The following ST18 variants were observed in gnomAD, a reference collection of about 807,000 sequenced individuals.
The protein encoded by ST18 is suppression of tumorigenicity 18 protein.
ST18 carries 50 observed loss-of-function variants against 110.0 expected under a neutral mutation model. The ratio of observed to expected loss-of-function variants is 0.45; its 90% CI spans 0.36 to 0.58. ST18 has a LOEUF of 0.58. Among genes scored for constraint, ST18 ranks in the 20% least tolerant of loss-of-function variants. The pLI is 0.00. For missense variants in ST18, 1,306 were observed against 1,280.1 expected, an observed-to-expected ratio of 1.02 and a Z score of -0.31; for synonymous variants, 461 against 452.4, an observed-to-expected ratio of 1.02 and a Z score of -0.24.
chr8:52,266,233 C>T lies in ST18; in HGVS notation c.-464-36156G>A, dbSNP rs542070670. ...AATGATCTGAGAGAAAGCCAGGATGCCTGGAAATTGAGGCTGGTCTGATGG... is the reference window on the plus strand; with the variant it reads ...AATGATCTGAGAGAAAGCCAGGATGTCTGGAAATTGAGGCTGGTCTGATGG... On this transcript the variant is annotated intron_variant, in intron 2 of 25. Transcript: ENST00000689386. Among the ~76,000 whole-genome samples, 91 of 152,222 alleles carry T rather than the reference C, an allele frequency of 6.0e-4. No homozygotes were observed. In the South Asian group the frequency reaches 0.018, roughly 31 times the overall value.
At position 52,216,152 on chromosome 8, in the gene ST18, A is replaced by C. The variant is rs566092302; in HGVS notation, c.-1+1594T>G. Among the ~76,000 whole-genome samples, 3 of 152,344 alleles carry C rather than the reference A, an allele frequency of 2.0e-5. No homozygotes were observed. The South Asian group carries it at 6.2e-4, about 32-fold the overall frequency. ...CCTGCAAAGAGTGCCAGTGGACACA[A>C]ATCAAAATTTCAGAAGCATACTTAA... On this transcript the variant is annotated intron_variant, in intron 6 of 25. Coordinates refer to ENST00000689386, the MANE Select transcript of ST18 (RefSeq NM_001352837.2).
intron 10 of ST18, chr8:52,171,530 TA>T: frequency 1.8e-6 from 1 of 554,908 alleles, no homozygotes; most frequent in Non-Finnish European, 3.4e-6. Flanking sequence ...GATGCATTTA[TA>T]AAAAACAGTT....
At chr8:52,373,831 C>G (rs1335700767) in intron 2 of ST18, among the ~76,000 whole-genome samples, 1 of 152,142 alleles carries the variant, frequency 6.6e-6, no homozygotes, top group Non-Finnish European at 1.5e-5. Flanking sequence ...TCTCTGCACA[C>G]ATGAGCAAGG....
At chr8:52,131,476 T>C (rs747325136) in intron 22 of ST18, among the ~76,000 whole-genome samples, 6 of 152,232 alleles carry the variant, frequency 3.9e-5, no homozygotes, top group Non-Finnish European at 8.8e-5. Flanking sequence ...TTGCAGTCAC[T>C]GTGTCATTTT....
chr8:52,211,620 T>C (rs2082207132), intron 8 of ST18, among the ~76,000 whole-genome samples: 2 of 152,068 alleles, frequency 1.3e-5, no homozygotes, highest in Non-Finnish European at 2.9e-5. Flanking sequence ...TTGCCCAGGC[T>C]GGTCTTGAAC....
chr8:52,380,089 C>G (rs895227568), intron 2 of ST18, among the ~76,000 whole-genome samples: 3 of 152,148 alleles, frequency 2.0e-5, no homozygotes, highest in African/African-American at 7.2e-5. Context: ...CAAATTATCA[C>G]TAGTGATCCT....
intron 6 of ST18, among the ~76,000 whole-genome samples, chr8:52,215,529 T>A (rs541243065): frequency 6.6e-6 from 1 of 152,174 alleles, no homozygotes; most frequent in Non-Finnish European, 1.5e-5. Context: ...CCACCAGAAC[T>A]CTTTTGTCAT....
At chr8:52,369,950 T>A (rs1242993989) in intron 2 of ST18, among the ~76,000 whole-genome samples, 1 of 152,210 alleles carries the variant, frequency 6.6e-6, no homozygotes, top group Admixed American at 6.5e-5. Flanking sequence ...TAGAATAGCA[T>A]GTGGCAGTAT....
Position 52,136,751 on chromosome 8 carries a change from A to AT in ST18, c.2232-94dup, listed in dbSNP as rs1437425953. The AT allele has an allele frequency of 3.7e-6, 4 of 1,081,678 alleles. No individual in the cohort carries two copies. In the Admixed American group the frequency reaches 7.9e-5, roughly 21 times the overall value. 67.0% of individuals were successfully genotyped at this position (1,081,678 alleles called of 1,614,324 possible). A position where few individuals can be genotyped will look rare whatever the true frequency, so the allele number is the denominator to read the frequency against. On this transcript the variant is annotated intron_variant, in intron 18 of 25. Coordinates refer to ENST00000689386, the MANE Select transcript of ST18 (RefSeq NM_001352837.2). ...CTGAGTCGTGAACATACGTTAAATT[A>AT]TTGGTGACTGGGGATTGGGAAAAAA...
At chr8:52,357,749 G>A (rs1823803138) in intron 2 of ST18, among the ~76,000 whole-genome samples, 1 of 126,588 alleles carries the variant, frequency 7.9e-6, no homozygotes, top group African/African-American at 2.8e-5. Flanking sequence ...CTCAAAGGGA[G>A]AAATAGTTCC....
chr8:52,143,124 G>A (rs989763462), intron 16 of ST18, 79 bp from the exon 17 acceptor site: 2 of 906,512 alleles, frequency 2.2e-6, no homozygotes, highest in African/African-American at 3.3e-5. Flanking sequence ...TAAAATCATT[G>A]AAGCCAGGTT....
chr8:52,202,356 A>C (rs966947146), intron 8 of ST18, among the ~76,000 whole-genome samples: 1 of 152,058 alleles, frequency 6.6e-6, no homozygotes, highest in Non-Finnish European at 1.5e-5. Context: ...AAATAAAATA[A>C]ATTTTTTGTC....
intron 2 of ST18, among the ~76,000 whole-genome samples, chr8:52,245,595 A>AT (rs2093780625): frequency 6.6e-6 from 1 of 152,060 alleles, no homozygotes; most frequent in African/African-American, 2.4e-5. Context: ...TTTCATTCTA[A>AT]TTTTTTTATA....
intron 2 of ST18, among the ~76,000 whole-genome samples, chr8:52,240,175 G>A (rs2093258285): frequency 6.6e-6 from 1 of 151,798 alleles, no homozygotes; most frequent in South Asian, 2.1e-4. Flanking sequence ...TAGCTTTTCT[G>A]GTTCTCATTA....
chr8:52,344,469 C>T (rs923002664), intron 2 of ST18, among the ~76,000 whole-genome samples: 7 of 151,834 alleles, frequency 4.6e-5, no homozygotes, highest in East Asian at 1.9e-4. Context: ...GGCAGGATCT[C>T]GGCTCACTGC....
chr8:52,129,848 C>A (rs2048521638), intron 22 of ST18, among the ~76,000 whole-genome samples: 1 of 151,988 alleles, frequency 6.6e-6, no homozygotes, highest in South Asian at 2.1e-4. Context: ...AGTTCGAGAC[C>A]AGCCTGACCA....
intron 19 of ST18, among the ~76,000 whole-genome samples, chr8:52,135,804 GA>G (rs1199052808): frequency 6.6e-6 from 1 of 151,964 alleles, no homozygotes; most frequent in Non-Finnish European, 1.5e-5. Context: ...TATAATACGT[GA>G]AATGTTACAT....
chr8:52,220,952 T>G (rs1023629121), intron 4 of ST18, 104 bp from the exon 5 acceptor site: 39 of 152,218 alleles, frequency 2.6e-4, no homozygotes, highest in African/African-American at 9.4e-4. Context: ...GTGTTGACAC[T>G]TATCTATAGT....
At chr8:52,133,886 A>G (rs1000418243) in intron 19 of ST18, among the ~76,000 whole-genome samples, 1 of 152,026 alleles carries the variant, frequency 6.6e-6, no homozygotes, top group Non-Finnish European at 1.5e-5. Context: ...ACATGCCTCC[A>G]TGCCCACCTA....
Sources: allele counts gnomAD v4.1 joint callset (sites outside exome capture counted in the v4.1 genomes callset), GRCh38; gene constraint gnomAD v4.1.1; transcripts MANE v1.5; gene names NCBI Gene and HGNC (gene_info 2026-07-23, HGNC 2026-07-21).